The following SMARCA2 variants were observed in gnomAD, a reference collection of about 807,000 sequenced individuals.
The protein encoded by SMARCA2 is SWI/SNF related BAF chromatin remodeling complex subunit ATPase 2.
SMARCA2 carries 61 observed loss-of-function variants against 199.8 expected under a neutral mutation model. The observed-to-expected ratio is 0.31, with a 90% CI of 0.25 to 0.38. The LOEUF (loss-of-function observed/expected upper bound fraction) is 0.38. Ranked by LOEUF, SMARCA2 falls within the 10% of genes least tolerant of loss-of-function variation. The pLI, the probability that SMARCA2 is intolerant of heterozygous loss-of-function variation, is 1.00. For synonymous variants in SMARCA2, 935 were observed against 732.0 expected (o/e 1.28, Z -4.48); for missense variants, 1,344 against 2,012.2 (o/e 0.67, Z 6.35).
intron 27 of SMARCA2, chr9:2,158,784 A>G: frequency 2.0e-6 from 1 of 507,550 alleles, no homozygotes. Context: ...ATGCAGGAGT[A>G]ATCTTACTCT....
At chr9:2,064,740 C>T (rs964511266) in intron 9 of SMARCA2, among the ~76,000 whole-genome samples, 10 of 152,196 alleles carry the variant, frequency 6.6e-5, no homozygotes, top group African/African-American at 2.4e-4. Flanking sequence ...GTTCCCCCAA[C>T]TCCTACAAAG....
At chr9:2,129,804 C>T (rs1326158139) in intron 27 of SMARCA2, among the ~76,000 whole-genome samples, 5 of 152,118 alleles carry the variant, frequency 3.3e-5, no homozygotes, top group Admixed American at 1.3e-4. Flanking sequence ...CCTGTCACTA[C>T]GGAGATGTCA....
chr9:2,143,795 C>G (rs1824580653), intron 27 of SMARCA2, among the ~76,000 whole-genome samples: 2 of 152,154 alleles, frequency 1.3e-5, no homozygotes, highest in Non-Finnish European at 2.9e-5. Context: ...TTTGGTAGGA[C>G]AGTGGAATTC....
chr9:2,072,566 G>A (rs1821136573), intron 10 of SMARCA2, among the ~76,000 whole-genome samples: 1 of 152,246 alleles, frequency 6.6e-6, no homozygotes, highest in Non-Finnish European at 1.5e-5. Context: ...AGCCACTCAT[G>A]AGATGACATA....
At chr9:2,138,849 G>T (rs1168555698) in intron 27 of SMARCA2, among the ~76,000 whole-genome samples, 1 of 152,132 alleles carries the variant, frequency 6.6e-6, no homozygotes, top group South Asian at 2.1e-4. Flanking sequence ...GCCTTGGCCT[G>T]GCTCCATCTC....
chr9:2,157,739 T>A (rs1825440662), intron 27 of SMARCA2: 1 of 392,446 alleles, frequency 2.5e-6, no homozygotes, highest in South Asian at 1.4e-4. Flanking sequence ...TTTGTTTGCG[T>A]GTCCCTGTTT....
At chr9:2,186,281 GCTGTCTCCACAGATGT>G in intron 32 of SMARCA2, 53 bp downstream of exon 32, 1 of 1,555,226 alleles carries the variant, frequency 6.4e-7, no homozygotes. Context: ...CACCTGCATA[GCTGTCTCCACAGATGT>G]TCACAGAAGA....
At chr9:2,171,895 G>T (rs1826265961) in intron 29 of SMARCA2, among the ~76,000 whole-genome samples, 1 of 152,194 alleles carries the variant, frequency 6.6e-6, no homozygotes, top group Non-Finnish European at 1.5e-5. Context: ...TAACTTTAAA[G>T]GCTATTTATT....
chr9:2,189,201 C>T (rs1827703670), intron 32 of SMARCA2, among the ~76,000 whole-genome samples: 1 of 152,158 alleles, frequency 6.6e-6, no homozygotes, highest in Admixed American at 6.5e-5. Flanking sequence ...GATATTCTGT[C>T]CACCACACTT....
chr9:2,187,686 TTTTAAATATAA>T (rs1272992252), intron 32 of SMARCA2, among the ~76,000 whole-genome samples: 1 of 151,792 alleles, frequency 6.6e-6, no homozygotes, highest in African/African-American at 2.4e-5. Flanking sequence ...AAAAAAAAAA[TTTTAAATATAA>T]TTAATAAATA....
rs368941533 is a variant in SMARCA2, at chr9:2,039,150, G to A, written c.356-316G>A. Among the ~76,000 whole-genome samples, 1 of 151,690 alleles carries A rather than the reference G, an allele frequency of 6.6e-6. No homozygotes were observed. Among genetic ancestry groups the A allele is most frequent in the Non-Finnish European group, 1.5e-5 (1 of 67,986 alleles). ...TAATATGAAAAAAAGAATGTAGAAT[G>A]TCTCATCAACAGTTTTTACATTTTA... On this transcript the variant is annotated intron_variant, in intron 3 of 33. Transcript: ENST00000349721. The surrounding 1 kb of genome is among the most constrained non-coding windows in gnomAD (Gnocchi z 4.8).
chr9:2,183,793 A>G (rs78611802), intron 31 of SMARCA2, among the ~76,000 whole-genome samples: 242 of 152,362 alleles, frequency 1.6e-3, no homozygotes, highest in African/African-American at 5.6e-3. Flanking sequence ...GCCAGGACAT[A>G]GAAAGTAGAA....
At chr9:2,049,637 C>T (rs1820030928) in intron 5 of SMARCA2, among the ~76,000 whole-genome samples, 1 of 152,172 alleles carries the variant, frequency 6.6e-6, no homozygotes, top group African/African-American at 2.4e-5. Flanking sequence ...AGAAGAAGCA[C>T]AGTTTGGTGG....
intron 10 of SMARCA2, 33 bp from the exon 11 acceptor site, chr9:2,073,179 T>A: frequency 1.2e-6 from 2 of 1,613,188 alleles, no homozygotes; most frequent in Non-Finnish European, 1.7e-6. Context: ...GGTCTTAACA[T>A]GAAACCGTGA....
intron 9 of SMARCA2, among the ~76,000 whole-genome samples, chr9:2,069,660 T>C (rs1421567591): frequency 1.3e-5 from 2 of 152,212 alleles, no homozygotes; most frequent in Non-Finnish European, 2.9e-5. Context: ...CTATATGTTA[T>C]GAAAGAAATT....
At chr9:2,144,078 G>C (rs535412841) in intron 27 of SMARCA2, among the ~76,000 whole-genome samples, 2 of 151,860 alleles carry the variant, frequency 1.3e-5, no homozygotes, top group South Asian at 4.2e-4. Context: ...GATGGGGGGG[G>C]ATGTAGGCAT....
intron 27 of SMARCA2, chr9:2,159,969 G>T: frequency 6.4e-7 from 1 of 1,563,230 alleles, no homozygotes; most frequent in Non-Finnish European, 8.7e-7. Flanking sequence ...CCAGGCATGT[G>T]TAGGTGTGTA....
rs1280025845 is a variant in SMARCA2, at chr9:2,110,381, A to T, written c.3420A>T (p.Thr1140=). The T allele has an allele frequency of 6.2e-7, 1 of 1,613,354 alleles. No homozygotes were observed. The part of the protein sequence containing the change: ...GLGLNLQAAD[T]VVIFDSDWNP... ...GCTTAAATCTTCAGGCAGCTGATACAGTGGTCATCTTTGACAGCGACTGGA... is the reference window on the plus strand; with the variant it reads ...GCTTAAATCTTCAGGCAGCTGATACTGTGGTCATCTTTGACAGCGACTGGA... Residue 1140 remains threonine, a synonymous_variant, in exon 24 of 34, where the codon ACA becomes ACT. Coordinates refer to ENST00000349721, the MANE Select transcript of SMARCA2 (RefSeq NM_003070.5). The surrounding 1 kb of genome is among the most constrained non-coding windows in gnomAD (Gnocchi z 4.8).
intron 32 of SMARCA2, among the ~76,000 whole-genome samples, chr9:2,186,761 C>G (rs959186266): frequency 1.2e-4 from 18 of 152,204 alleles, no homozygotes; most frequent in African/African-American, 4.3e-4. Flanking sequence ...CCTGGCCTCA[C>G]GTGATCCACC....
Sources: allele counts gnomAD v4.1 joint callset (sites outside exome capture counted in the v4.1 genomes callset), GRCh38; gene constraint gnomAD v4.1.1; non-coding constraint Gnocchi (gnomAD v3.1); transcripts MANE v1.5; gene names NCBI Gene and HGNC (gene_info 2026-07-23, HGNC 2026-07-21).